TBC1D14: variants seen among roughly 807,000 people sequenced by gnomAD.
TBC1D14 encodes the protein TBC1 domain family member 14.
In TBC1D14, 26 loss-of-function variants were observed where a neutral mutation model predicts 79.0. That is an observed-to-expected ratio of 0.33 (90% CI 0.24 to 0.46). The LOEUF (loss-of-function observed/expected upper bound fraction) is 0.46, where lower values mean the gene tolerates loss of function less well. Ranked by LOEUF, TBC1D14 falls within the 20% of genes least tolerant of loss-of-function variation. TBC1D14 has a pLI of 1.00. For synonymous variants in TBC1D14, 394 were observed against 349.9 expected (o/e 1.13, Z -1.40); for missense variants, 769 against 887.6 (o/e 0.87, Z 1.70).
chr4:6,941,006 C>T (rs958170783), intron 2 of TBC1D14, among the ~76,000 whole-genome samples: 3 of 152,124 alleles, frequency 2.0e-5, no homozygotes, highest in East Asian at 3.8e-4. Flanking sequence ...TGAATCAGTT[C>T]TTGAGGGTAA....
intron 11 of TBC1D14, among the ~76,000 whole-genome samples, chr4:7,011,539 T>G (rs1720774821): frequency 1.3e-5 from 2 of 151,870 alleles, no homozygotes; most frequent in African/African-American, 2.4e-5. Flanking sequence ...CATCAGGGTT[T>G]TTTTTGTTTT....
rs961970638 is a variant in TBC1D14 at position 6,963,799 on chromosome 4, A to G, written c.723-3505A>G. On this transcript the variant is annotated intron_variant, in intron 2 of 13. Coordinates refer to ENST00000409757, the MANE Select transcript of TBC1D14 (RefSeq NM_020773.3). Reference sequence around the variant, plus strand: ...CTCTTATGTTAAAAATAATCATGCAACTTTGATTTTGTTTGAGACTGAGTC... The same window carrying G: ...CTCTTATGTTAAAAATAATCATGCAGCTTTGATTTTGTTTGAGACTGAGTC... 2.6e-5 allele frequency among the ~76,000 whole-genome samples: 4 copies of G among 152,148 alleles called. No individual in the cohort carries two copies. The South Asian group carries it at 8.3e-4, about 32-fold the overall frequency.
At chr4:6,961,824 T>G (rs1406878257) in intron 2 of TBC1D14, among the ~76,000 whole-genome samples, 1 of 152,022 alleles carries the variant, frequency 6.6e-6, no homozygotes, top group Non-Finnish European at 1.5e-5. Flanking sequence ...CTGCAGGGTG[T>G]ATGCAGCCGA....
At chr4:6,936,393 G>C (rs562057172) in intron 2 of TBC1D14, among the ~76,000 whole-genome samples, 1 of 152,314 alleles carries the variant, frequency 6.6e-6, no homozygotes, top group African/African-American at 2.4e-5. Context: ...ATGCCATACA[G>C]GTGGAAATCA....
intron 2 of TBC1D14, among the ~76,000 whole-genome samples, chr4:6,928,587 C>A (rs1334914375): frequency 6.6e-6 from 1 of 152,172 alleles, no homozygotes. Flanking sequence ...AATCCCAGCA[C>A]TTTGGGAGGC....
chr4:6,979,214 GAAAAC>G (rs982226067), intron 3 of TBC1D14, among the ~76,000 whole-genome samples: 25 of 152,288 alleles, frequency 1.6e-4, no homozygotes, highest in African/African-American at 6.0e-4. Flanking sequence ...GAAAAAAAGA[GAAAAC>G]AAATGAGATG....
intron 3 of TBC1D14, among the ~76,000 whole-genome samples, chr4:6,991,830 G>A (rs1386715935): frequency 6.6e-6 from 1 of 152,216 alleles, no homozygotes; most frequent in Non-Finnish European, 1.5e-5. Context: ...AGCGTCAGCC[G>A]CCGCCACTGT....
chr4:7,019,560 G>A (rs1309483618), intron 12 of TBC1D14, among the ~76,000 whole-genome samples: 1 of 152,084 alleles, frequency 6.6e-6, no homozygotes, highest in Non-Finnish European at 1.5e-5. Context: ...TCGAAGGGAG[G>A]GGCAGCAGCC....
At chr4:6,916,044 T>G (rs2108901881) in intron 1 of TBC1D14, among the ~76,000 whole-genome samples, 1 of 151,110 alleles carries the variant, frequency 6.6e-6, no homozygotes, top group Middle Eastern at 3.4e-3. Flanking sequence ...GAGAATTGCT[T>G]GAACCCAGGA....
At chr4:6,915,249 C>T (rs1337797707) in intron 1 of TBC1D14, among the ~76,000 whole-genome samples, 1 of 152,102 alleles carries the variant, frequency 6.6e-6, no homozygotes, top group Non-Finnish European at 1.5e-5. Context: ...CTTAGTCTCC[C>T]CAGAATCCTC....
chr4:6,915,096 C>T (rs1486208742), intron 1 of TBC1D14, among the ~76,000 whole-genome samples: 1 of 152,162 alleles, frequency 6.6e-6, no homozygotes, highest in Non-Finnish European at 1.5e-5. Flanking sequence ...AGCCCTCTAC[C>T]AGGCAGGCCA....
chr4:6,959,240 C>T (rs560090402), intron 2 of TBC1D14, among the ~76,000 whole-genome samples: 7 of 152,162 alleles, frequency 4.6e-5, no homozygotes, highest in Admixed American at 3.3e-4. Context: ...GCCTTGGAGA[C>T]GATAGGTGCT....
At chr4:6,911,831 C>T (rs1054244473) in intron 1 of TBC1D14, among the ~76,000 whole-genome samples, 4 of 152,180 alleles carry the variant, frequency 2.6e-5, no homozygotes, top group South Asian at 2.1e-4. Flanking sequence ...GGATGCCTGC[C>T]GTGCAGGTCG....
At chr4:7,029,027 T>C (rs1183411631) in intron 13 of TBC1D14, among the ~76,000 whole-genome samples, 2 of 151,940 alleles carry the variant, frequency 1.3e-5, no homozygotes, top group East Asian at 1.9e-4. Context: ...TTTGTAGAGA[T>C]TTGTTTGCTT....
chr4:6,981,236 G>A (rs565977812), intron 3 of TBC1D14, among the ~76,000 whole-genome samples: 2 of 151,966 alleles, frequency 1.3e-5, no homozygotes, highest in Admixed American at 1.3e-4. Context: ...TGTTGGCCAG[G>A]GTGGTCTAGA....
intron 2 of TBC1D14, among the ~76,000 whole-genome samples, chr4:6,960,247 ATTTTTTT>A (rs912173712): frequency 2.3e-5 from 3 of 130,302 alleles, no homozygotes; most frequent in Admixed American, 7.8e-5. Flanking sequence ...ATGCCTGGCT[ATTTTTTT>A]TTTTTTTTTG....
At chr4:6,958,317 C>A (rs550867931) in intron 2 of TBC1D14, among the ~76,000 whole-genome samples, 1 of 151,610 alleles carries the variant, frequency 6.6e-6, no homozygotes, top group Non-Finnish European at 1.5e-5. Context: ...AGCATCCTGA[C>A]TTCAGTGAGT....
chr4:6,963,183 C>G (rs59683609), intron 2 of TBC1D14, among the ~76,000 whole-genome samples: 15,497 of 152,286 alleles, frequency 0.1, 1,334 homozygotes, highest in African/African-American at 0.23. Context: ...CTTCCCATGT[C>G]GGGGGTGGGA....
In TBC1D14 at chr4:7,006,271, A is replaced by G. The variant is rs549483664; in HGVS notation, c.1352-361A>G. ...TGAAGATGTTTGAGATCGAGCAGTG[A>G]TATATGTGTGTGTGTGTGTGTGTTT... is the stretch of plus-strand genomic sequence containing the variant. On this transcript the variant is annotated intron_variant, in intron 8 of 13. Coordinates refer to ENST00000409757, the MANE Select transcript of TBC1D14 (RefSeq NM_020773.3). Among the ~76,000 whole-genome samples the G allele has an allele frequency of 8.1e-5, 12 of 148,498 alleles. No homozygotes were observed. The East Asian group carries it at 1.9e-3, about 24-fold the overall frequency.
Sources: allele counts gnomAD v4.1 joint callset (sites outside exome capture counted in the v4.1 genomes callset), GRCh38; gene constraint gnomAD v4.1.1; transcripts MANE v1.5; gene names NCBI Gene and HGNC (gene_info 2026-07-23, HGNC 2026-07-21).